ALK: variants seen among roughly 807,000 people sequenced by gnomAD.
ALK encodes ALK tyrosine kinase receptor.
ALK carries 74 observed loss-of-function variants against 163.1 expected under a neutral mutation model. That is an observed-to-expected ratio of 0.45 (90% CI 0.38 to 0.55). ALK has a LOEUF of 0.55. Among genes scored for constraint, ALK ranks in the 20% least tolerant of loss-of-function variants. ALK has a pLI of 0.00. For missense variants in ALK, 2,063 were observed against 2,105.3 expected, an observed-to-expected ratio of 0.98 and a Z score of 0.39; for synonymous variants, 960 against 843.2, an observed-to-expected ratio of 1.14 and a Z score of -2.40.
At chr2:29,779,256 T>C (rs1681267323) in intron 1 of ALK, among the ~76,000 whole-genome samples, 1 of 152,116 alleles carries the variant, frequency 6.6e-6, no homozygotes, top group African/African-American at 2.4e-5. Flanking sequence ...TCCTGGTGTA[T>C]CAGACAGCCC....
chr2:29,896,002 A>G (rs1667259486), intron 1 of ALK, among the ~76,000 whole-genome samples: 1 of 152,188 alleles, frequency 6.6e-6, no homozygotes, highest in Admixed American at 6.5e-5. Flanking sequence ...AGTAAGGGAA[A>G]CTTACTGAAT....
intron 3 of ALK, among the ~76,000 whole-genome samples, chr2:29,623,247 T>C (rs1676086942): frequency 6.6e-6 from 1 of 152,180 alleles, no homozygotes; most frequent in South Asian, 2.1e-4. Flanking sequence ...GAAAAAATGA[T>C]CTTCATGATG....
chr2:29,744,777 T>C (rs1680164478), intron 1 of ALK, among the ~76,000 whole-genome samples: 1 of 151,996 alleles, frequency 6.6e-6, no homozygotes, highest in African/African-American at 2.4e-5. Context: ...ATGTGGCCAC[T>C]TGGCTTTTTT....
intron 4 of ALK, among the ~76,000 whole-genome samples, chr2:29,470,398 A>G (rs1187694396): frequency 2.0e-5 from 3 of 152,346 alleles, no homozygotes; most frequent in South Asian, 4.1e-4. Flanking sequence ...CCCACATAGA[A>G]TAAATGTAAA....
chr2:29,904,440 T>C (rs1228530659), intron 1 of ALK, among the ~76,000 whole-genome samples: 5 of 152,094 alleles, frequency 3.3e-5, no homozygotes, highest in East Asian at 1.9e-4. Flanking sequence ...GTGAGAATAG[T>C]TAGATCTCAG....
At chr2:29,680,761 T>C (rs969531103) in intron 3 of ALK, among the ~76,000 whole-genome samples, 18 of 152,160 alleles carry the variant, frequency 1.2e-4, no homozygotes, top group Non-Finnish European at 8.8e-5. Context: ...TCTTTGTATA[T>C]ATTCTCATTT....
At chr2:29,705,884 A>C (rs909618266) in intron 2 of ALK, among the ~76,000 whole-genome samples, 1 of 152,196 alleles carries the variant, frequency 6.6e-6, no homozygotes, top group Non-Finnish European at 1.5e-5. Context: ...CAGAGAGCAC[A>C]TAAGAGGGAG....
chr2:29,201,657 C>T (rs532321909), intron 26 of ALK, among the ~76,000 whole-genome samples: 33 of 152,016 alleles, frequency 2.2e-4, no homozygotes, highest in African/African-American at 7.2e-4. Context: ...TGTGGTAGCA[C>T]GCGTCTGTAA....
chr2:29,257,842 C>CTTTTTGAG (rs1664988244), intron 11 of ALK, among the ~76,000 whole-genome samples: 1 of 152,148 alleles, frequency 6.6e-6, no homozygotes, highest in Admixed American at 6.5e-5. Flanking sequence ...TATAATAATT[C>CTTTTTGAG]ATCCATTTCT....
At chr2:29,339,359 G>A (rs919628397) in intron 5 of ALK, among the ~76,000 whole-genome samples, 5 of 152,198 alleles carry the variant, frequency 3.3e-5, no homozygotes, top group Non-Finnish European at 7.3e-5. Flanking sequence ...TGCAAGGCTG[G>A]GGGTGTGAAA....
At position 29,258,239 on chromosome 2, in the gene ALK, C is replaced by T. The variant is rs545349727; in HGVS notation, c.2042-6972G>A. Among the ~76,000 whole-genome samples the T allele has an allele frequency of 3.5e-4, 53 of 152,290 alleles. 1 individual carries two copies. The highest frequency in any genetic ancestry group is 1.1e-3 in the African/African-American group (44 of 41,564). ...TGGGGCAGTTCAACATGTTCTCTGT[C>T]CTGCAAATTGCCAACTAGATCCTTT... On this transcript the variant is annotated intron_variant, in intron 11 of 28. Transcript: ENST00000389048.
chr2:29,906,575 A>G (rs912460273), intron 1 of ALK, among the ~76,000 whole-genome samples: 1 of 152,202 alleles, frequency 6.6e-6, no homozygotes, highest in African/African-American at 2.4e-5. Context: ...TACAGTCACA[A>G]GTAAAAGACA....
At chr2:29,697,556 T>C (rs980704780) in intron 2 of ALK, among the ~76,000 whole-genome samples, 4 of 152,172 alleles carry the variant, frequency 2.6e-5, no homozygotes, top group East Asian at 3.9e-4. Flanking sequence ...AGCTGGCTTA[T>C]GGATTAACAG....
intron 1 of ALK, among the ~76,000 whole-genome samples, chr2:29,770,845 AC>A (rs2148343868): frequency 6.6e-6 from 1 of 152,238 alleles, no homozygotes; most frequent in South Asian, 2.1e-4. Context: ...ACGCACAGAC[AC>A]ACAGTCACAC....
intron 4 of ALK, among the ~76,000 whole-genome samples, chr2:29,451,770 A>C (rs576987729): frequency 6.6e-6 from 1 of 152,298 alleles, no homozygotes; most frequent in Non-Finnish European, 1.5e-5. Context: ...AAGTTCCTGG[A>C]GAATAAGGGC....
intron 3 of ALK, among the ~76,000 whole-genome samples, chr2:29,632,041 T>C (rs1047247776): frequency 2.0e-4 from 30 of 152,308 alleles, no homozygotes; most frequent in African/African-American, 6.7e-4. Context: ...CCCATGCACA[T>C]AGTAACTGGT....
rs191944819 is a variant in ALK, at chr2:29,476,378, A to T, written c.1154+55537T>A. 5.3e-5 allele frequency among the ~76,000 whole-genome samples: 8 copies of T among 152,356 alleles called. No homozygotes were observed. The East Asian group carries it at 1.3e-3, about 26-fold the overall frequency. ...TACCACAATCATTTTAAACACCAAC[A>T]TTCTTTTCCACTTGTAAAGATAATT... is the stretch of plus-strand genomic sequence containing the variant. On this transcript the variant is annotated intron_variant, in intron 4 of 28. Coordinates refer to ENST00000389048, the MANE Select transcript of ALK (RefSeq NM_004304.5).
chr2:29,705,828 G>A (rs1395242851), intron 2 of ALK, among the ~76,000 whole-genome samples: 5 of 152,134 alleles, frequency 3.3e-5, no homozygotes, highest in South Asian at 4.1e-4. Flanking sequence ...TTAATGATGC[G>A]CGTCATTGCT....
intron 1 of ALK, among the ~76,000 whole-genome samples, chr2:29,797,393 A>G (rs1664347300): frequency 6.6e-6 from 1 of 152,042 alleles, no homozygotes; most frequent in Non-Finnish European, 1.5e-5. Flanking sequence ...AGCATCCTCT[A>G]ATCTTTGCCC....
Sources: gnomAD v4.1 joint callset for allele counts (sites outside exome capture counted in the v4.1 genomes callset) on GRCh38, gnomAD v4.1.1 for gene constraint, MANE v1.5 for transcripts, NCBI Gene and HGNC (gene_info 2026-07-23, HGNC 2026-07-21) for gene names.